RAB38: variants seen among roughly 807,000 people sequenced by gnomAD.
RAB38 encodes RAB38, member RAS oncogene family.
In RAB38, 15 loss-of-function variants were observed where a neutral mutation model predicts 18.4. That is an observed-to-expected ratio of 0.82 (90% CI 0.55 to 1.26). The LOEUF is 1.26. Ranked by LOEUF, RAB38 falls within the 50% of genes most tolerant of loss-of-function variation. RAB38 has a pLI of 0.00. For synonymous variants in RAB38, 101 were observed against 104.4 expected (o/e 0.97, Z 0.20); for missense variants, 294 against 267.4 (o/e 1.10, Z -0.69).
chr11:87,840,072 T>C, the RAB38 span, among the ~76,000 whole-genome samples: 1 of 152,232 alleles, frequency 6.6e-6, no homozygotes, highest in Non-Finnish European at 1.5e-5. Flanking sequence ...TAATGCAAAT[T>C]CTCTTACACA....
the RAB38 span, among the ~76,000 whole-genome samples, chr11:87,906,597 C>T: frequency 6.6e-6 from 1 of 151,862 alleles, no homozygotes; most frequent in Non-Finnish European, 1.5e-5. Context: ...ATTATAAAAA[C>T]AGGGTATAAA....
At chr11:88,022,611 CA>C in the RAB38 span, among the ~76,000 whole-genome samples, 54 of 52,104 alleles carry the variant, frequency 1.0e-3, no homozygotes, top group South Asian at 8.4e-3. Context: ...AAAGACCCCA[CA>C]AAAAAAAAAA....
chr11:88,073,817 T>A, the RAB38 span, among the ~76,000 whole-genome samples: 1 of 151,828 alleles, frequency 6.6e-6, no homozygotes, highest in Non-Finnish European at 1.5e-5. Context: ...TATCAGAGAA[T>A]TTATTGAAGA....
the RAB38 span, among the ~76,000 whole-genome samples, chr11:87,894,383 T>C: frequency 1.3e-5 from 2 of 151,718 alleles, no homozygotes; most frequent in Non-Finnish European, 3.0e-5. Flanking sequence ...GTAGCCTTTT[T>C]AAGGATAATG....
the RAB38 span, among the ~76,000 whole-genome samples, chr11:87,936,759 A>G: frequency 1.3e-5 from 2 of 152,056 alleles, no homozygotes; most frequent in Non-Finnish European, 2.9e-5. Context: ...CCTGATTATC[A>G]ATTTGGGGAG....
At chr11:87,903,781 T>A in the RAB38 span, among the ~76,000 whole-genome samples, 2 of 151,596 alleles carry the variant, frequency 1.3e-5, no homozygotes, top group South Asian at 4.2e-4. Context: ...TTGGGTTGAA[T>A]GAAAGAGCTT....
chr11:87,895,754 G>T, the RAB38 span, among the ~76,000 whole-genome samples: 2 of 151,542 alleles, frequency 1.3e-5, no homozygotes, highest in African/African-American at 4.8e-5. Context: ...CCCACTTTGT[G>T]CTGGCCACTG....
chr11:87,821,491 G>A, the RAB38 span, among the ~76,000 whole-genome samples: 1 of 152,256 alleles, frequency 6.6e-6, no homozygotes, highest in South Asian at 2.1e-4. Context: ...CTTCTCAAAT[G>A]TAACTGCAAG....
the RAB38 span, among the ~76,000 whole-genome samples, chr11:87,894,154 A>G: frequency 2.6e-5 from 4 of 151,694 alleles, no homozygotes; most frequent in Non-Finnish European, 5.9e-5. Flanking sequence ...TTCATTCCTA[A>G]GTATTTTATC....
At chr11:87,854,134 T>TG in the RAB38 span, among the ~76,000 whole-genome samples, 112 of 151,656 alleles carry the variant, frequency 7.4e-4, no homozygotes, top group African/African-American at 1.5e-3. Context: ...CAAAGGTTTT[T>TG]GTTTTGTTTT....
chr11:88,007,147 A>C, the RAB38 span, among the ~76,000 whole-genome samples: 1 of 151,824 alleles, frequency 6.6e-6, no homozygotes, highest in Non-Finnish European at 1.5e-5. Flanking sequence ...ATTATAAATA[A>C]AAAGATAAAA....
At chr11:88,141,452 G>A (rs1273514679) in intron 2 of RAB38, among the ~76,000 whole-genome samples, 2 of 152,170 alleles carry the variant, frequency 1.3e-5, no homozygotes, top group Non-Finnish European at 2.9e-5. Flanking sequence ...TGCTGAGGTT[G>A]AAAAACCCTA....
chr11:88,110,430 G>C (rs1042448171), downstream of RAB38, among the ~76,000 whole-genome samples: 1 of 152,084 alleles, frequency 6.6e-6, no homozygotes, highest in African/African-American at 2.4e-5. Flanking sequence ...CAGATGATGG[G>C]TTGATGGGTG....
intron 2 of RAB38, among the ~76,000 whole-genome samples, chr11:88,135,319 C>A (rs780994179): frequency 2.6e-5 from 4 of 152,148 alleles, no homozygotes; most frequent in Non-Finnish European, 5.9e-5. Context: ...CACTTTAATG[C>A]AAGTTCCAAG....
chr11:88,103,739 A>T, the RAB38 span, among the ~76,000 whole-genome samples: 1 of 152,138 alleles, frequency 6.6e-6, no homozygotes, highest in Non-Finnish European at 1.5e-5. Context: ...CCTTAGTTTT[A>T]AATTCCAAAG....
At chr11:87,904,253 C>G in the RAB38 span, among the ~76,000 whole-genome samples, 802 of 151,752 alleles carry the variant, frequency 5.3e-3, 9 homozygotes, top group African/African-American at 0.019. Flanking sequence ...ATCCTCTCCC[C>G]CTCAGTAGTT....
intron 2 of RAB38, among the ~76,000 whole-genome samples, chr11:88,131,863 T>C (rs1942770793): frequency 6.6e-6 from 1 of 152,148 alleles, no homozygotes; most frequent in Non-Finnish European, 1.5e-5. Flanking sequence ...AGAGAGAAAT[T>C]CTCTTTCTAA....
chr11:87,876,243 A>G, the RAB38 span, among the ~76,000 whole-genome samples: 2 of 151,618 alleles, frequency 1.3e-5, no homozygotes, highest in African/African-American at 4.8e-5. Context: ...TACGACATTC[A>G]TGCCAATGAC....
the RAB38 span, among the ~76,000 whole-genome samples, chr11:87,967,139 C>T: frequency 2.6e-5 from 4 of 152,192 alleles, no homozygotes; most frequent in African/African-American, 4.8e-5. Flanking sequence ...TGGACTTCAA[C>T]CTACAAAGAG....
Sources: gnomAD v4.1 joint callset for allele counts (sites outside exome capture counted in the v4.1 genomes callset) on GRCh38, gnomAD v4.1.1 for gene constraint, MANE v1.5 for transcripts, NCBI Gene and HGNC (gene_info 2026-07-23, HGNC 2026-07-21) for gene names.